Variants in PARL observed in about 807,000 individuals in gnomAD.
The protein encoded by PARL is presenilin associated rhomboid like.
In PARL, 44 loss-of-function variants were observed where a neutral mutation model predicts 51.6. The observed-to-expected ratio is 0.85, with a 90% CI of 0.67 to 1.10. PARL has a LOEUF of 1.10. PARL is among the 50% of genes least tolerant of loss of function. PARL has a pLI of 0.00. For synonymous variants in PARL, 172 were observed against 164.0 expected, an observed-to-expected ratio of 1.05 and a Z score of -0.37; for missense variants, 441 against 469.5, an observed-to-expected ratio of 0.94 and a Z score of 0.56.
chr3:183,851,297 G>C (rs1349360040), intron 4 of PARL, among the ~76,000 whole-genome samples: 3 of 152,158 alleles, frequency 2.0e-5, no homozygotes, highest in African/African-American at 7.2e-5. Flanking sequence ...GAAAAAAATA[G>C]ATAAAATGAA....
intron 4 of PARL, among the ~76,000 whole-genome samples, chr3:183,849,826 C>A (rs1730357657): frequency 6.6e-6 from 1 of 151,910 alleles, no homozygotes; most frequent in African/African-American, 2.4e-5. Context: ...AAAATAAAAA[C>A]AAATTACTAA....
chr3:183,869,329 T>C (rs1043464393), intron 1 of PARL, among the ~76,000 whole-genome samples: 1 of 152,084 alleles, frequency 6.6e-6, no homozygotes. Flanking sequence ...TGCCTCAGCA[T>C]CCCTAGTAGC....
chr3:183,841,267 C>G (rs1320793664), intron 6 of PARL, among the ~76,000 whole-genome samples: 1 of 152,090 alleles, frequency 6.6e-6, no homozygotes, highest in African/African-American at 2.4e-5. Context: ...TGAAACAGAC[C>G]CTCTGTAACT....
At chr3:183,855,084 T>C (rs1730992413) in intron 4 of PARL, among the ~76,000 whole-genome samples, 1 of 151,488 alleles carries the variant, frequency 6.6e-6, no homozygotes, top group African/African-American at 2.4e-5. Flanking sequence ...GTATATGAAA[T>C]CTCCAGAAGA....
chr3:183,870,462 C>T (rs975690457), intron 1 of PARL, among the ~76,000 whole-genome samples: 10 of 151,864 alleles, frequency 6.6e-5, no homozygotes, highest in African/African-American at 2.4e-4. Flanking sequence ...TCTGGCCTCA[C>T]ACTGCTTTTC....
chr3:183,862,348 G>A (rs1003831341), intron 4 of PARL, among the ~76,000 whole-genome samples: 4 of 152,068 alleles, frequency 2.6e-5, no homozygotes, highest in South Asian at 2.1e-4. Flanking sequence ...TCTGAAAGCC[G>A]GTTTCCTTAT....
At chr3:183,881,980 C>T (rs932085835) in intron 1 of PARL, among the ~76,000 whole-genome samples, 1 of 151,654 alleles carries the variant, frequency 6.6e-6, no homozygotes, top group African/African-American at 2.4e-5. Context: ...GCAGGCAGAT[C>T]ACTTGAGACC....
At chr3:183,884,219 G>A (rs1017265376) in intron 1 of PARL, among the ~76,000 whole-genome samples, 1 of 152,326 alleles carries the variant, frequency 6.6e-6, no homozygotes, top group East Asian at 1.9e-4. Flanking sequence ...ATCTTCCACT[G>A]TCTCAATTCA....
chr3:183,854,642 A>G (rs1190499252), intron 4 of PARL, among the ~76,000 whole-genome samples: 2 of 152,114 alleles, frequency 1.3e-5, no homozygotes, highest in African/African-American at 2.4e-5. Flanking sequence ...AAAATGAAAA[A>G]GTTCTAGAGA....
At chr3:183,857,097 T>G (rs374554177) in intron 4 of PARL, among the ~76,000 whole-genome samples, 18 of 152,270 alleles carry the variant, frequency 1.2e-4, no homozygotes, top group African/African-American at 4.1e-4. Context: ...GGCACAGTGG[T>G]TCACACCTGT....
intron 1 of PARL, among the ~76,000 whole-genome samples, chr3:183,881,642 T>C (rs1040889914): frequency 1.6e-4 from 25 of 152,206 alleles, no homozygotes; most frequent in Admixed American, 1.6e-3. Context: ...CCTGTAGTCC[T>C]TGCTACCAGG....
At chr3:183,853,721 A>C (rs1730813905) in intron 4 of PARL, among the ~76,000 whole-genome samples, 1 of 152,242 alleles carries the variant, frequency 6.6e-6, no homozygotes, top group African/African-American at 2.4e-5. Flanking sequence ...AACCACAGTG[A>C]GGTATTATCT....
At chr3:183,827,720 C>T (rs1211974494), downstream of PARL, among the ~76,000 whole-genome samples, 16 of 152,190 alleles carry the variant, frequency 1.1e-4, no homozygotes, top group South Asian at 1.9e-3. Flanking sequence ...CTCCTTAAGC[C>T]GAGTGCTATT....
chr3:183,839,140 C>T (rs1729002347), intron 7 of PARL, among the ~76,000 whole-genome samples: 1 of 152,112 alleles, frequency 6.6e-6, no homozygotes, highest in Non-Finnish European at 1.5e-5. Context: ...AGCATGTGGT[C>T]ACAGGACAGA....
intron 1 of PARL, 31 bp downstream of exon 1, chr3:183,884,691 G>T: frequency 6.3e-7 from 1 of 1,577,676 alleles, no homozygotes; most frequent in South Asian, 1.2e-5. Flanking sequence ...GGGACCAAGA[G>T]GCGAGAAGAC....
chr3:183,876,030 T>C (rs1430976295), intron 1 of PARL, among the ~76,000 whole-genome samples: 2 of 152,140 alleles, frequency 1.3e-5, no homozygotes, highest in Non-Finnish European at 2.9e-5. Context: ...GCATCGTTTA[T>C]GGAATATTTT....
At chr3:183,877,691 T>C (rs1734003242) in intron 1 of PARL, among the ~76,000 whole-genome samples, 1 of 152,200 alleles carries the variant, frequency 6.6e-6, no homozygotes, top group Non-Finnish European at 1.5e-5. Flanking sequence ...TATGACTCAC[T>C]GCAGGCTCAG....
At chr3:183,834,908 A>T (rs1728384244) in intron 7 of PARL, among the ~76,000 whole-genome samples, 1 of 129,384 alleles carries the variant, frequency 7.7e-6, no homozygotes, top group African/African-American at 2.7e-5. Flanking sequence ...AAAAAAAAAA[A>T]ATTAGCTGGG....
At chr3:183,865,868 C>T (rs893910216) in intron 3 of PARL, among the ~76,000 whole-genome samples, 1 of 151,682 alleles carries the variant, frequency 6.6e-6, no homozygotes, top group Non-Finnish European at 1.5e-5. Flanking sequence ...CAACTATTAA[C>T]ATTAATTTCT....
Sources: allele counts gnomAD v4.1 joint callset (sites outside exome capture counted in the v4.1 genomes callset), GRCh38; gene constraint gnomAD v4.1.1; transcripts MANE v1.5; gene names NCBI Gene and HGNC (gene_info 2026-07-23, HGNC 2026-07-21).